Variants in GRID2 observed in about 807,000 individuals in gnomAD.
GRID2 encodes glutamate receptor ionotropic, delta-2.
GRID2 carries 33 observed loss-of-function variants against 114.8 expected under a neutral mutation model. The ratio of observed to expected loss-of-function variants is 0.29; its 90% CI spans 0.22 to 0.38. GRID2 has a LOEUF of 0.38. Among genes scored for constraint, GRID2 ranks in the 10% least tolerant of loss-of-function variants. The pLI, the probability that GRID2 is intolerant of heterozygous loss-of-function variation, is 1.00. For missense variants in GRID2, 1,184 were observed against 1,257.7 expected (o/e 0.94, Z 0.89); for synonymous variants, 505 against 449.9 (o/e 1.12, Z -1.55).
At chr4:93,052,601 T>C (rs1240409693) in intron 2 of GRID2, among the ~76,000 whole-genome samples, 1 of 151,886 alleles carries the variant, frequency 6.6e-6, no homozygotes, top group East Asian at 1.9e-4. Flanking sequence ...TAAAATACAG[T>C]AAAAATACAG....
intron 1 of GRID2, among the ~76,000 whole-genome samples, chr4:92,495,871 G>T (rs1723365782): frequency 6.6e-6 from 1 of 151,780 alleles, no homozygotes; most frequent in African/African-American, 2.4e-5. Context: ...TAGTGAGATC[G>T]GAAAGATTTT....
chr4:93,434,453 A>G (rs1469915479), intron 10 of GRID2, among the ~76,000 whole-genome samples: 2 of 152,100 alleles, frequency 1.3e-5, no homozygotes, highest in Admixed American at 6.6e-5. Flanking sequence ...GTATAATAAA[A>G]ATATATAAAA....
At chr4:93,574,037 T>C (rs1289097709) in intron 13 of GRID2, among the ~76,000 whole-genome samples, 1 of 152,092 alleles carries the variant, frequency 6.6e-6, no homozygotes, top group Non-Finnish European at 1.5e-5. Flanking sequence ...TGATAGAGGG[T>C]AGAGATAGGA....
At chr4:92,689,827 A>G (rs1466999260) in intron 2 of GRID2, among the ~76,000 whole-genome samples, 1 of 152,108 alleles carries the variant, frequency 6.6e-6, no homozygotes, top group Non-Finnish European at 1.5e-5. Flanking sequence ...TCTTTGGCTA[A>G]ACTTCATGAA....
intron 3 of GRID2, among the ~76,000 whole-genome samples, chr4:93,087,663 T>A: frequency 6.6e-6 from 1 of 152,184 alleles, no homozygotes; most frequent in East Asian, 1.9e-4. Context: ...TTTAGGAATT[T>A]TATTTTTGGG....
intron 10 of GRID2, among the ~76,000 whole-genome samples, chr4:93,427,993 A>C (rs561970195): frequency 6.6e-6 from 1 of 152,182 alleles, no homozygotes; most frequent in African/African-American, 2.4e-5. Context: ...GAGAACTTTC[A>C]ATAAGAAATA....
At chr4:93,573,800 T>G (rs1736153247) in intron 13 of GRID2, among the ~76,000 whole-genome samples, 2 of 152,172 alleles carry the variant, frequency 1.3e-5, no homozygotes, top group South Asian at 4.1e-4. Context: ...CCTGGACCAC[T>G]GCAAATAGAG....
intron 2 of GRID2, among the ~76,000 whole-genome samples, chr4:92,753,380 C>A (rs1488470829): frequency 6.6e-6 from 1 of 152,056 alleles, no homozygotes; most frequent in Non-Finnish European, 1.5e-5. Context: ...ACATTGTATT[C>A]AAAGGGGATG....
At chr4:93,678,786 A>T (rs530581644) in intron 14 of GRID2, among the ~76,000 whole-genome samples, 1 of 151,404 alleles carries the variant, frequency 6.6e-6, no homozygotes, top group Non-Finnish European at 1.5e-5. Flanking sequence ...AGCACTAAAC[A>T]TGGAAAGGAA....
intron 2 of GRID2, among the ~76,000 whole-genome samples, chr4:92,774,577 CTTT>C (rs1166044188): frequency 2.4e-3 from 250 of 106,334 alleles, no homozygotes; most frequent in African/African-American, 9.2e-3. Flanking sequence ...TTTTTCTTTC[CTTT>C]TTTTTTTTTT....
chr4:92,472,701 T>C (rs892143478), intron 1 of GRID2, among the ~76,000 whole-genome samples: 1 of 152,150 alleles, frequency 6.6e-6, no homozygotes, highest in African/African-American at 2.4e-5. Context: ...TCTTCTCATG[T>C]GTTTGTCATG....
At chr4:93,272,678 T>G (rs1222533471) in intron 8 of GRID2, among the ~76,000 whole-genome samples, 7 of 152,162 alleles carry the variant, frequency 4.6e-5, no homozygotes, top group African/African-American at 1.2e-4. Context: ...TTTAAGATAA[T>G]TCTAGCTGAT....
At chr4:92,909,229 G>C (rs1471380694) in intron 2 of GRID2, among the ~76,000 whole-genome samples, 2 of 150,620 alleles carry the variant, frequency 1.3e-5, no homozygotes, top group Non-Finnish European at 3.0e-5. Context: ...CACTATCATA[G>C]AACTGTGAAA....
At chr4:92,795,812 C>A (rs1739840114) in intron 2 of GRID2, among the ~76,000 whole-genome samples, 1 of 151,908 alleles carries the variant, frequency 6.6e-6, no homozygotes, top group Non-Finnish European at 1.5e-5. Context: ...AAGCACTCAT[C>A]TCCATCAAGT....
At chr4:93,104,521 T>C (rs1392115030) in intron 3 of GRID2, among the ~76,000 whole-genome samples, 3 of 151,378 alleles carry the variant, frequency 2.0e-5, no homozygotes, top group African/African-American at 4.8e-5. Flanking sequence ...TGTGTTCTCA[T>C]TGTTCAATTC....
At chr4:92,595,308 T>G (rs183545417) in intron 2 of GRID2, among the ~76,000 whole-genome samples, 5 of 152,004 alleles carry the variant, frequency 3.3e-5, no homozygotes, top group Non-Finnish European at 7.4e-5. Flanking sequence ...TTTTGAAATA[T>G]AAAAATTTGA....
At chr4:92,797,505 G>A (rs996449822) in intron 2 of GRID2, among the ~76,000 whole-genome samples, 1 of 151,810 alleles carries the variant, frequency 6.6e-6, no homozygotes, top group African/African-American at 2.4e-5. Context: ...TGTGCTAAAT[G>A]TATGCACATG....
chr4:93,339,400 T>G (rs921383846), intron 8 of GRID2, among the ~76,000 whole-genome samples: 6 of 152,146 alleles, frequency 3.9e-5, no homozygotes, highest in Non-Finnish European at 7.3e-5. Flanking sequence ...GGAGGATTTC[T>G]TGTGATGAAG....
At chr4:93,407,742 C>CTCCTCG (rs1766627355) in intron 9 of GRID2, among the ~76,000 whole-genome samples, 1 of 127,860 alleles carries the variant, frequency 7.8e-6, no homozygotes, top group Admixed American at 7.8e-5. Context: ...CCTCCTCCTC[C>CTCCTCG]TCCTCCTCCT....
Sources: gnomAD v4.1 joint callset for allele counts (sites outside exome capture counted in the v4.1 genomes callset) on GRCh38, gnomAD v4.1.1 for gene constraint, MANE v1.5 for transcripts, NCBI Gene and HGNC (gene_info 2026-07-23, HGNC 2026-07-21) for gene names.